CRIM1: variants seen among roughly 807,000 people sequenced by gnomAD.
CRIM1 encodes cysteine rich transmembrane BMP regulator 1.
Under a neutral mutation model 116.4 loss-of-function variants are expected in CRIM1, and 32 were observed. That is an observed-to-expected ratio of 0.27 (90% CI 0.21 to 0.37). The LOEUF is 0.37. CRIM1 is among the 10% of genes least tolerant of loss of function. The pLI is 1.00. For synonymous variants in CRIM1, 590 were observed against 509.2 expected, an observed-to-expected ratio of 1.16 and a Z score of -2.13; for missense variants, 1,331 against 1,354.8, an observed-to-expected ratio of 0.98 and a Z score of 0.28.
intron 2 of CRIM1, among the ~76,000 whole-genome samples, chr2:36,411,691 T>TA (rs1673222956): frequency 6.7e-6 from 1 of 149,620 alleles, no homozygotes; most frequent in Non-Finnish European, 1.5e-5. Flanking sequence ...TGTGTACAGT[T>TA]ACCTGTGTGC....
chr2:36,495,861 A>G (rs1680549658), intron 7 of CRIM1, among the ~76,000 whole-genome samples: 1 of 152,102 alleles, frequency 6.6e-6, no homozygotes, highest in African/African-American at 2.4e-5. Flanking sequence ...ATTTTTTTCT[A>G]GATAATTCAT....
Position 36,396,994 on chromosome 2 carries a change from G to A in CRIM1, c.505+207G>A, listed in dbSNP as rs3821164. ...GCTATGGAATGGCGGTGCTGTGGTG[G>A]TGTGAGCAGGGCCCTCTGTGCCAGC... On this transcript the variant is annotated intron_variant, in intron 2 of 16. Coordinates refer to ENST00000280527, the MANE Select transcript of CRIM1 (RefSeq NM_016441.3). 0.13 allele frequency among the ~76,000 whole-genome samples: 19,945 copies of A among 152,168 alleles called. 1,650 individuals carry two copies. The highest frequency in any genetic ancestry group is 0.48 in the East Asian group (2,488 of 5,150).
chr2:36,356,016 T>G lies in CRIM1; in HGVS notation c.-277T>G. The G allele has an allele frequency of 6.6e-6, 1 of 150,940 alleles. No individual in the cohort carries two copies. Among genetic ancestry groups the G allele is most frequent in the Non-Finnish European group, 1.5e-5 (1 of 68,084 alleles). The allele number at this position is 150,940 out of a possible 1,614,324, so 9.4% of individuals were successfully genotyped here. A position where few individuals can be genotyped will look rare whatever the true frequency, so the allele number is the denominator to read the frequency against. ...GAACCGGAGCTGCCGGGAGGAAACTTTTTTCTTTTTTCCCCCTCCCTCCCG... is the reference window on the plus strand; with the variant it reads ...GAACCGGAGCTGCCGGGAGGAAACTGTTTTCTTTTTTCCCCCTCCCTCCCG... On this transcript the variant is annotated 5_prime_UTR_variant, in exon 1 of 17. Transcript: ENST00000280527. The surrounding 1 kb of genome is among the most constrained non-coding windows in gnomAD (Gnocchi z 4.3).
At chr2:36,428,236 T>G (rs984744069) in intron 2 of CRIM1, among the ~76,000 whole-genome samples, 1 of 152,196 alleles carries the variant, frequency 6.6e-6, no homozygotes, top group Non-Finnish European at 1.5e-5. Flanking sequence ...TGCCTTGACA[T>G]TCATAGGTAA....
intron 2 of CRIM1, among the ~76,000 whole-genome samples, chr2:36,419,665 T>G (rs1278372774): frequency 6.6e-6 from 1 of 152,238 alleles, no homozygotes; most frequent in African/African-American, 2.4e-5. Context: ...ATTTCTCTTA[T>G]TTCTGAAGCT....
rs765353985 is a variant in CRIM1, at chr2:36,356,381, C to T, written c.89C>T (p.Ser30Phe). 6.3e-6 allele frequency: 10 copies of T among 1,597,894 alleles called. No individual in the cohort carries two copies. Among genetic ancestry groups the T allele is most frequent in the Middle Eastern group, 2.0e-4 (1 of 4,894 alleles). ...GGGCTGCTGCTGCTGCTGGCGCGCT[C>T]CGGCACCCGGGCGCTGGTCTGCCTG... ...LLGLLLLLAR[S>F]GTRALVCLPC... Residue 30 changes from serine (S) to phenylalanine (F), a missense_variant, in exon 1 of 17, where the codon TCC (serine) becomes TTC (phenylalanine). Around this residue, in one of 3 missense-constraint regions of CRIM1, gnomAD observed 690 missense variants for 676.0 expected, o/e 1.02. Transcript: ENST00000280527. This position sits in a 1 kb window ranked among gnomAD's most constrained non-coding sequence, Gnocchi z 4.3.
intron 2 of CRIM1, among the ~76,000 whole-genome samples, chr2:36,425,420 A>G (rs1279011344): frequency 6.6e-6 from 1 of 152,206 alleles, no homozygotes; most frequent in Non-Finnish European, 1.5e-5. Context: ...TGTTAGACTC[A>G]TTACTGAAAA....
intron 2 of CRIM1, among the ~76,000 whole-genome samples, chr2:36,410,553 T>A (rs1000785966): frequency 2.6e-5 from 4 of 152,140 alleles, no homozygotes; most frequent in Middle Eastern, 3.2e-3. Flanking sequence ...GGATTTTTTT[T>A]TTCTCTTTAA....
intron 11 of CRIM1, among the ~76,000 whole-genome samples, chr2:36,514,012 T>G (rs552340163): frequency 6.6e-6 from 1 of 152,366 alleles, no homozygotes; most frequent in South Asian, 2.1e-4. Context: ...GACTCAGTTA[T>G]GTAAGGTCTT....
Position 36,547,972 on chromosome 2 carries a change from C to T in CRIM1, c.2935-553C>T, listed in dbSNP as rs370807811. On this transcript the variant is annotated intron_variant, in intron 16 of 16. Coordinates refer to ENST00000280527, the MANE Select transcript of CRIM1 (RefSeq NM_016441.3). ...TGGTTAACCCTTCCATGTAAAAATTCTGTCCTGCGGTTATCCTGCCTCCGA... is the reference window on the plus strand; with the variant it reads ...TGGTTAACCCTTCCATGTAAAAATTTTGTCCTGCGGTTATCCTGCCTCCGA... 5.0e-4 allele frequency among the ~76,000 whole-genome samples: 76 copies of T among 152,254 alleles called. No individual in the cohort carries two copies. The South Asian group carries it at 0.014, about 28-fold the overall frequency.
intron 7 of CRIM1, among the ~76,000 whole-genome samples, chr2:36,480,182 C>G (rs530185426): frequency 1.3e-5 from 2 of 152,218 alleles, no homozygotes; most frequent in Non-Finnish European, 2.9e-5. Flanking sequence ...ATGGCTGTGG[C>G]TTTGCAATTC....
intron 2 of CRIM1, 87 bp from the exon 3 acceptor site, chr2:36,441,171 A>C: frequency 6.4e-7 from 1 of 1,556,304 alleles, no homozygotes; most frequent in Admixed American, 1.7e-5. Context: ...TTGGCTACTT[A>C]AATAGATCAT....
chr2:36,390,970 C>T lies in CRIM1; in HGVS notation c.332-5644C>T, dbSNP rs181294076. On this transcript the variant is annotated intron_variant, in intron 1 of 16. Coordinates refer to ENST00000280527, the MANE Select transcript of CRIM1 (RefSeq NM_016441.3). Reference sequence around the variant, plus strand: ...GATTACAGGCATGCGCCACCATACCCGGCTAATTTTTGTGTTTTTTGTAGA... The same window carrying T: ...GATTACAGGCATGCGCCACCATACCTGGCTAATTTTTGTGTTTTTTGTAGA... Among the ~76,000 whole-genome samples, 339 of 151,726 alleles carry T rather than the reference C, an allele frequency of 2.2e-3. 4 individuals carry two copies. The highest frequency in any genetic ancestry group is 0.018 in the South Asian group (84 of 4,794).
intron 13 of CRIM1, among the ~76,000 whole-genome samples, chr2:36,527,464 T>C (rs143858523): frequency 2.2e-3 from 340 of 152,312 alleles, no homozygotes; most frequent in African/African-American, 7.9e-3. Context: ...TAGCTTGTGT[T>C]GTGACTGTAT....
At chr2:36,432,651 C>T (rs1232541763) in intron 2 of CRIM1, among the ~76,000 whole-genome samples, 1 of 151,994 alleles carries the variant, frequency 6.6e-6, no homozygotes, top group Non-Finnish European at 1.5e-5. Context: ...AGGAAGATTC[C>T]AGGGAACACT....
chr2:36,529,537 G>A (rs775026214), intron 13 of CRIM1: 1 of 198,872 alleles, frequency 5.0e-6, no homozygotes, highest in Non-Finnish European at 1.1e-5. Flanking sequence ...TGTACCTGTA[G>A]ATGCATCTTG....
intron 13 of CRIM1, among the ~76,000 whole-genome samples, chr2:36,535,548 A>G (rs1473779874): frequency 6.6e-6 from 1 of 152,196 alleles, no homozygotes; most frequent in Non-Finnish European, 1.5e-5. Flanking sequence ...TGATTACTTA[A>G]TGCCCCTTGT....
At chr2:36,512,436 G>A (rs1290319483) in intron 10 of CRIM1, 42 bp downstream of exon 10, 1 of 1,565,926 alleles carries the variant, frequency 6.4e-7, no homozygotes, top group African/African-American at 1.4e-5. Flanking sequence ...AAGCAGCCAG[G>A]GGCACCGAAA....
At chr2:36,525,687 A>T (rs1665709865) in intron 13 of CRIM1, among the ~76,000 whole-genome samples, 1 of 151,936 alleles carries the variant, frequency 6.6e-6, no homozygotes, top group Admixed American at 6.6e-5. Context: ...AGACTATCTC[A>T]CCCCAGCCCA....
Sources: gnomAD v4.1 joint callset for allele counts (sites outside exome capture counted in the v4.1 genomes callset) on GRCh38, gnomAD v4.1.1 for gene constraint, gnomAD v4.1.1 regional missense constraint, Gnocchi (gnomAD v3.1) non-coding constraint, MANE v1.5 for transcripts, NCBI Gene and HGNC (gene_info 2026-07-23, HGNC 2026-07-21) for gene names.